SF3A3: variants seen among roughly 807,000 people sequenced by gnomAD.
SF3A3 encodes the protein SAP 61.
In SF3A3, 9 loss-of-function variants were observed where a neutral mutation model predicts 85.8. The observed-to-expected ratio is 0.10, with a 90% CI of 0.06 to 0.18. The LOEUF (loss-of-function observed/expected upper bound fraction) is 0.18. Among genes scored for constraint, SF3A3 ranks in the 10% least tolerant of loss-of-function variants. The pLI is 1.00. For missense variants in SF3A3, 306 were observed against 593.3 expected (o/e 0.52, Z 5.03); for synonymous variants, 195 against 204.4 (o/e 0.95, Z 0.39).
chr1:37,967,677 C>CAAAAAAAAAA (rs34369006), intron 15 of SF3A3, among the ~76,000 whole-genome samples: 21 of 44,276 alleles, frequency 4.7e-4, no homozygotes, highest in South Asian at 1.7e-3. Flanking sequence ...GACTCCGTCA[C>CAAAAAAAAAA]AAAAAAAAAA....
rs1570465257 is a variant in SF3A3, at chr1:37,978,599, TG to T, written c.935+120del. The T allele has an allele frequency of 6.3e-6, 4 of 630,968 alleles. No homozygotes were observed. In the East Asian group the frequency reaches 1.1e-4, roughly 17 times the overall value. 39.1% of individuals were successfully genotyped at this position (630,968 alleles called of 1,614,324 possible). ...CTATTAGCAGAGATAAAGAGCAGAC[TG>T]GATCTCTGTCAACCAATAACGGAGA... On this transcript the variant is annotated intron_variant, in intron 11 of 16. Coordinates refer to ENST00000373019, the MANE Select transcript of SF3A3 (RefSeq NM_006802.4).
intron 15 of SF3A3, chr1:37,960,438 C>T (rs1646249004): frequency 2.2e-6 from 1 of 464,164 alleles, no homozygotes; most frequent in African/African-American, 1.9e-5. Flanking sequence ...AACTGATACT[C>T]TTGAAGGAGG....
Position 37,972,978 on chromosome 1 carries a change from C to T in SF3A3, c.1006-3243G>A, listed in dbSNP as rs549169321. ...GGTGGATCACCTGAGGTCGGGAGTT[C>T]GAGATCAGCCTGGCTAACATGGTGA... On this transcript the variant is annotated intron_variant, in intron 12 of 16. Transcript: ENST00000373019. 1.1e-4 allele frequency among the ~76,000 whole-genome samples: 17 copies of T among 152,202 alleles called. No individual in the cohort carries two copies. In the East Asian group the frequency reaches 1.9e-3, roughly 17 times the overall value.
Position 37,990,002 on chromosome 1 carries a change from A to G in SF3A3, c.-37T>C, listed in dbSNP as rs536435038. 2.9e-5 allele frequency: 43 copies of G among 1,502,284 alleles called. No homozygotes were observed. The highest frequency in any genetic ancestry group is 1.7e-4 in the Admixed American group (10 of 59,754). 93.1% of individuals were successfully genotyped at this position (1,502,284 alleles called of 1,614,324 possible). On this transcript the variant is annotated 5_prime_UTR_variant, in exon 1 of 17. Transcript: ENST00000373019. ...CGCGGCTTCTCAATTCAGACCACCA[A>G]CACGGCCGGAAGCAACTCCTGCCGC... is the stretch of plus-strand genomic sequence containing the variant.
intron 12 of SF3A3, among the ~76,000 whole-genome samples, chr1:37,975,948 AT>A (rs1646376873): frequency 1.3e-5 from 2 of 152,270 alleles, no homozygotes; most frequent in South Asian, 4.1e-4. Flanking sequence ...CGAGGTCAGG[AT>A]TTCGAGACCA....
intron 15 of SF3A3, 31 bp downstream of exon 15, chr1:37,968,013 G>T (rs773095082): frequency 7.2e-7 from 1 of 1,382,302 alleles, no homozygotes; most frequent in Non-Finnish European, 1.0e-6. Context: ...ATTTGTACTC[G>T]CCTAGGAGAC....
chr1:37,959,944 C>T (rs951830966), intron 16 of SF3A3, among the ~76,000 whole-genome samples, 176 bp downstream of exon 16: 8 of 114,578 alleles, frequency 7.0e-5, no homozygotes, highest in Non-Finnish European at 1.7e-5. Flanking sequence ...GGCAACAGTA[C>T]GAGACTCCGT....
rs1253037624 is a variant in SF3A3 at position 37,980,702 on chromosome 1, A to G, written c.574T>C (p.Tyr192His). ...YKRYLEMLLE[Y>H]LQDYTDRVKP... ...ACTCTATCTGTGTAATCCTGAAGGT[A>G]CTCAAGCAGCATCTCTAGGTATCTA... is the stretch of plus-strand genomic sequence containing the variant. Residue 192 changes from tyrosine (Y) to histidine (H), a missense_variant, in exon 8 of 17, where the codon TAC (tyrosine) becomes CAC (histidine). Physicochemically the swap from Tyr to His is moderately conservative, Grantham distance 83. Transcript: ENST00000373019. 2 of 1,613,706 alleles carry G rather than the reference A, an allele frequency of 1.2e-6. No individual in the cohort carries two copies. Among genetic ancestry groups the G allele is most frequent in the African/African-American group, 2.7e-5 (2 of 74,910 alleles).
chr1:37,986,505 A>G (rs1398572831), intron 4 of SF3A3, among the ~76,000 whole-genome samples: 3 of 151,936 alleles, frequency 2.0e-5, no homozygotes, highest in East Asian at 1.9e-4. Flanking sequence ...TTACCTTATT[A>G]TAAGTGAGCT....
chr1:37,968,932 T>G (rs1330965715), intron 14 of SF3A3, among the ~76,000 whole-genome samples: 1 of 152,208 alleles, frequency 6.6e-6, no homozygotes, highest in Non-Finnish European at 1.5e-5. Flanking sequence ...TTGATAAATA[T>G]CAGCCCCTTC....
At chr1:37,966,883 C>T (rs1466601588) in intron 15 of SF3A3, among the ~76,000 whole-genome samples, 15 of 111,392 alleles carry the variant, frequency 1.3e-4, no homozygotes, top group East Asian at 3.2e-4. Flanking sequence ...TGCAGTGAGC[C>T]GAGATCGCAC....
intron 12 of SF3A3, among the ~76,000 whole-genome samples, chr1:37,970,704 C>A (rs914893775): frequency 2.2e-4 from 33 of 152,174 alleles, no homozygotes; most frequent in Admixed American, 3.9e-4. Flanking sequence ...TTAAGAAACT[C>A]ACTCAAAACC....
intron 15 of SF3A3, among the ~76,000 whole-genome samples, chr1:37,963,023 G>A (rs543614310): frequency 2.2e-4 from 33 of 152,104 alleles, no homozygotes; most frequent in East Asian, 7.7e-4. Context: ...AGGAGGTGGA[G>A]GTTGCAATGA....
chr1:37,973,703 C>T (rs1391359496), intron 12 of SF3A3, among the ~76,000 whole-genome samples: 2 of 152,180 alleles, frequency 1.3e-5, no homozygotes, highest in African/African-American at 2.4e-5. Context: ...ACTAGAAATA[C>T]CATTTGACCC....
chr1:37,967,977 G>T, intron 15 of SF3A3, 67 bp downstream of exon 15: 1 of 909,214 alleles, frequency 1.1e-6, no homozygotes, highest in Non-Finnish European at 1.9e-6. Flanking sequence ...CAGGGTATTA[G>T]GATGCTGAAT....
At chr1:37,975,137 G>A (rs2148720315) in intron 12 of SF3A3, among the ~76,000 whole-genome samples, 1 of 152,314 alleles carries the variant, frequency 6.6e-6, no homozygotes, top group Admixed American at 6.5e-5. Flanking sequence ...AATCTTATCA[G>A]TTCATAGTGA....
intron 15 of SF3A3, among the ~76,000 whole-genome samples, chr1:37,966,685 G>A (rs868077734): frequency 7.3e-5 from 11 of 150,440 alleles, no homozygotes; most frequent in African/African-American, 7.3e-5. Context: ...GCCTGTAATC[G>A]CAGCACTTTG....
At chr1:37,967,050 C>T (rs1393095721) in intron 15 of SF3A3, among the ~76,000 whole-genome samples, 1 of 115,300 alleles carries the variant, frequency 8.7e-6, no homozygotes, top group Non-Finnish European at 1.8e-5. Context: ...AGGAGTTCGT[C>T]ACCTCAACCA....
At chr1:37,959,249 T>C (rs1646240814) in intron 16 of SF3A3, among the ~76,000 whole-genome samples, 2 of 151,986 alleles carry the variant, frequency 1.3e-5, no homozygotes, top group African/African-American at 2.4e-5. Context: ...CCGCTAATTA[T>C]TGTATTTTTT....
Sources: gnomAD v4.1 joint callset for allele counts (sites outside exome capture counted in the v4.1 genomes callset) on GRCh38, gnomAD v4.1.1 for gene constraint, MANE v1.5 for transcripts, NCBI Gene and HGNC (gene_info 2026-07-23, HGNC 2026-07-21) for gene names.